The following PCDHA3 variants were observed in gnomAD, a reference collection of about 807,000 sequenced individuals.
The protein encoded by PCDHA3 is protocadherin alpha-3.
A neutral mutation model predicts 62.2 loss-of-function variants in PCDHA3; 41 were observed. The observed-to-expected ratio is 0.66, with a 90% CI of 0.51 to 0.86. PCDHA3 has a LOEUF of 0.86. PCDHA3 is among the 40% of genes least tolerant of loss of function. The probability of loss-of-function intolerance (pLI) is 0.00; values close to 1 mark genes in which losing one functional copy is unlikely to be tolerated. For missense variants in PCDHA3, 1,304 were observed against 1,241.2 expected, an observed-to-expected ratio of 1.05 and a Z score of -0.76; for synonymous variants, 640 against 555.4, an observed-to-expected ratio of 1.15 and a Z score of -2.14.
intron 1 of PCDHA3, among the ~76,000 whole-genome samples, chr5:140,846,800 G>A (rs1554141497): frequency 6.7e-6 from 1 of 149,352 alleles, no homozygotes; most frequent in African/African-American, 2.5e-5. Flanking sequence ...CCCAGCCCCT[G>A]GCTTTAAAAT....
intron 1 of PCDHA3, among the ~76,000 whole-genome samples, chr5:140,950,403 A>C (rs2094477208): frequency 6.6e-6 from 1 of 151,818 alleles, no homozygotes; most frequent in Admixed American, 6.6e-5. Flanking sequence ...ATTCTGGGGG[A>C]TTGACAGATT....
chr5:140,880,801 GAA>G (rs1193515493), intron 1 of PCDHA3, among the ~76,000 whole-genome samples: 5 of 152,182 alleles, frequency 3.3e-5, no homozygotes, highest in African/African-American at 1.2e-4. Flanking sequence ...ATAAATAGGT[GAA>G]TGACTCTAGA....
At chr5:140,967,879 T>C in intron 1 of PCDHA3, 1 of 1,614,104 alleles carries the variant, frequency 6.2e-7, no homozygotes, top group Non-Finnish European at 8.5e-7. Context: ...CGGACCTGTA[T>C]AGCCCAGTGC....
intron 1 of PCDHA3, chr5:140,842,447 G>A: frequency 6.2e-7 from 1 of 1,613,790 alleles, no homozygotes; most frequent in Non-Finnish European, 8.5e-7. Context: ...TAGCGTGAAC[G>A]ACCTCGATTC....
chr5:140,927,128 A>T (rs2083872958), intron 1 of PCDHA3: 2 of 1,613,878 alleles, frequency 1.2e-6, no homozygotes, highest in Non-Finnish European at 1.7e-6. Context: ...GTGGTCAGAG[A>T]GCCGGCGGAC....
At chr5:140,855,023 G>T (rs115040572) in intron 1 of PCDHA3, among the ~76,000 whole-genome samples, 1 of 149,492 alleles carries the variant, frequency 6.7e-6, no homozygotes, top group African/African-American at 2.4e-5. Context: ...GAAACTTCTT[G>T]TATAAAGGAT....
At chr5:140,921,213 G>C (rs759293646) in intron 1 of PCDHA3, among the ~76,000 whole-genome samples, 2 of 151,378 alleles carry the variant, frequency 1.3e-5, no homozygotes, top group African/African-American at 2.4e-5. Flanking sequence ...GATAATTCAC[G>C]TCTTTTTTGC....
chr5:140,845,492 G>T lies in PCDHA3; in HGVS notation c.2394+41901G>T, dbSNP rs2150379266. ...ATTTGGGGTTGTGCTTTCACAGTGA[G>T]AAAGTCTAAACCTATTTCTTGTACA... On this transcript the variant is annotated intron_variant, in intron 1 of 3. Coordinates refer to ENST00000522353, the MANE Select transcript of PCDHA3 (RefSeq NM_018906.3). Among the ~76,000 whole-genome samples, 111 of 149,698 alleles carry T rather than the reference G, an allele frequency of 7.4e-4. 5 individuals are homozygous for T. Among genetic ancestry groups the T allele is most frequent in the African/African-American group, 2.6e-3 (108 of 41,006 alleles).
At chr5:140,903,149 T>C (rs1329505317) in intron 1 of PCDHA3, among the ~76,000 whole-genome samples, 1 of 152,242 alleles carries the variant, frequency 6.6e-6, no homozygotes, top group Non-Finnish European at 1.5e-5. Context: ...CTGTTTTCCA[T>C]AGTGGTTGTG....
intron 3 of PCDHA3, among the ~76,000 whole-genome samples, chr5:141,000,764 A>G (rs1371396511): frequency 2.0e-5 from 3 of 151,808 alleles, no homozygotes; most frequent in Non-Finnish European, 4.4e-5. Context: ...AATCTTAGCC[A>G]GGCATAGTGG....
intron 1 of PCDHA3, among the ~76,000 whole-genome samples, chr5:140,879,169 T>C (rs2057884518): frequency 6.6e-6 from 1 of 152,156 alleles, no homozygotes; most frequent in Non-Finnish European, 1.5e-5. Flanking sequence ...TTTTAATAAA[T>C]TAGGTATCAA....
intron 1 of PCDHA3, among the ~76,000 whole-genome samples, chr5:140,946,411 A>G (rs1554217552): frequency 1.1e-4 from 16 of 151,766 alleles, no homozygotes. Context: ...ATCATAGAAA[A>G]CAATATGGAG....
chr5:140,863,840 G>T (rs2048198603), intron 1 of PCDHA3: 1 of 181,960 alleles, frequency 5.5e-6, no homozygotes, highest in Admixed American at 5.3e-5. Flanking sequence ...CTCTACTAAA[G>T]ATATAAAAAA....
chr5:140,853,625 A>G (rs1195027874), intron 1 of PCDHA3: 1 of 988,416 alleles, frequency 1.0e-6, no homozygotes, highest in African/African-American at 1.8e-5. Context: ...ATAAGTATAC[A>G]AGATCACAGA....
chr5:140,822,086 A>G, intron 1 of PCDHA3: 2 of 1,614,198 alleles, frequency 1.2e-6, no homozygotes, highest in Non-Finnish European at 1.7e-6. Context: ...TGCAGCATCC[A>G]CCTGGAGGTG....
intron 1 of PCDHA3, chr5:140,859,970 T>C (rs894279399): frequency 6.6e-6 from 1 of 152,018 alleles, no homozygotes; most frequent in Non-Finnish European, 1.5e-5. Context: ...GTCTCAGGTA[T>C]ACAAGTGCAT....
Position 140,821,983 on chromosome 5 carries a change from C to G in PCDHA3, c.2394+18392C>G. 6.2e-7 allele frequency: 1 copy of G among 1,614,148 alleles called. No individual in the cohort carries two copies. On this transcript the variant is annotated intron_variant, in intron 1 of 3. Coordinates refer to ENST00000522353, the MANE Select transcript of PCDHA3 (RefSeq NM_018906.3). ...CCTGTTCCGGGTGGCGTCCAAGGGC[C>G]GCGGGGACCTTCTGGAGGTAAATCT...
intron 1 of PCDHA3, chr5:140,834,548 G>T (rs1264423031): frequency 1.2e-6 from 2 of 1,613,978 alleles, no homozygotes; most frequent in African/African-American, 2.7e-5. Context: ...TGGGGCTGGA[G>T]CTGGCGGAGC....
intron 1 of PCDHA3, chr5:140,868,793 C>T: frequency 3.1e-6 from 1 of 326,092 alleles, no homozygotes; most frequent in Non-Finnish European, 5.5e-6. Context: ...CTGAATATTC[C>T]ATAAATAAGC....
Sources: allele counts gnomAD v4.1 joint callset (sites outside exome capture counted in the v4.1 genomes callset), GRCh38; gene constraint gnomAD v4.1.1; transcripts MANE v1.5; gene names NCBI Gene and HGNC (gene_info 2026-07-23, HGNC 2026-07-21).